CTBS: variants seen among roughly 807,000 people sequenced by gnomAD.
CTBS encodes the protein chitobiase.
In CTBS, 35 loss-of-function variants were observed where a neutral mutation model predicts 44.3. The ratio of observed to expected loss-of-function variants is 0.79; its 90% CI spans 0.60 to 1.05. CTBS has a LOEUF of 1.05. Ranked by LOEUF, CTBS falls within the 50% of genes least tolerant of loss-of-function variation. The probability of loss-of-function intolerance (pLI) is 0.00; values close to 1 mark genes in which losing one functional copy is unlikely to be tolerated. For missense variants in CTBS, 458 were observed against 475.3 expected (o/e 0.96, Z 0.34); for synonymous variants, 143 against 168.0 (o/e 0.85, Z 1.15).
At position 84,550,677 on chromosome 1, in the gene CTBS, G is replaced by GAA; in HGVS notation, c.*4320_*4321dup. ...TACCTTAACAGTAAAGAGCATAGGTGAAAAAAAAAATGCAGGAAGAAAAAC... is the reference window on the plus strand; with the variant it reads ...TACCTTAACAGTAAAGAGCATAGGTGAAAAAAAAAAAATGCAGGAAGAAAAAC... On this transcript the variant is annotated 3_prime_UTR_variant, in exon 7 of 7. Transcript: ENST00000370630. 1 of 1,116,618 alleles carries GAA rather than the reference G, an allele frequency of 9.0e-7. No individual in the cohort carries two copies. Among genetic ancestry groups the GAA allele is most frequent in the Non-Finnish European group, 1.1e-6 (1 of 893,826 alleles). 69.2% of individuals were successfully genotyped at this position (1,116,618 alleles called of 1,614,324 possible). A position where few individuals can be genotyped will look rare whatever the true frequency, so the allele number is the denominator to read the frequency against.
At position 84,574,405 on chromosome 1, in the gene CTBS, G is replaced by T. The variant is rs1001778851; in HGVS notation, c.11C>A (p.Pro4Gln). The T allele has an allele frequency of 1.9e-6, 3 of 1,553,122 alleles. No homozygotes were observed. Among genetic ancestry groups the T allele is most frequent in the Non-Finnish European group, 2.6e-6 (3 of 1,150,790 alleles). The change falls in exon 1 of 7, where the codon CCG (proline) becomes CAG (glutamine). Residue 4 changes from proline (P) to glutamine (Q), a missense_variant. Physicochemically the swap from Pro to Gln is moderately conservative, Grantham distance 76. Coordinates refer to ENST00000370630, the MANE Select transcript of CTBS (RefSeq NM_004388.3). ...GACGAGGCGCCAGCGTCGAAGCTGCGGCCGGGACATAGCAGCAGGTCTAGC... is the reference window on the plus strand; with the variant it reads ...GACGAGGCGCCAGCGTCGAAGCTGCTGCCGGGACATAGCAGCAGGTCTAGC... MSR[P>Q]QLRRWRLVSS...
At chr1:84,574,080 C>G (rs1647394288) in intron 1 of CTBS, 159 bp downstream of exon 1, 2 of 1,451,748 alleles carry the variant, frequency 1.4e-6, no homozygotes, top group Admixed American at 5.6e-5. Context: ...CCCGAGCTTC[C>G]TCATCTATAA....
intron 6 of CTBS, among the ~76,000 whole-genome samples, chr1:84,562,255 T>G (rs981380687): frequency 1.3e-5 from 2 of 152,230 alleles, no homozygotes; most frequent in Non-Finnish European, 2.9e-5. Flanking sequence ...CACATGTGCA[T>G]CTGTGTGTGT....
rs751010857 is a variant in CTBS at position 84,570,587 on chromosome 1, A to C, written c.311T>G (p.Leu104Arg). The change falls in exon 2 of 7, where the codon CTT (leucine) becomes CGT (arginine). Residue 104 changes from leucine (L) to arginine (R), a missense_variant. By Grantham distance (102) the Leu-to-Arg change is moderately radical (BLOSUM62 -2). Coordinates refer to ENST00000370630, the MANE Select transcript of CTBS (RefSeq NM_004388.3). ...YAHSKGARVVLKGDVSLKDII... is the reference protein window; with the variant it reads ...YAHSKGARVVRKGDVSLKDII... ...TAGATCTGGAAACAACATACCTTTA[A>C]GTACTACTCTGGCTCCTTTTGAATG... is the stretch of plus-strand genomic sequence containing the variant. 2 of 1,610,478 alleles carry C rather than the reference A, an allele frequency of 1.2e-6. No individual in the cohort carries two copies. The highest frequency in any genetic ancestry group is 1.7e-6 in the Non-Finnish European group (2 of 1,178,062).
At chr1:84,567,767 C>T (rs575054619) in intron 3 of CTBS, among the ~76,000 whole-genome samples, 2 of 152,282 alleles carry the variant, frequency 1.3e-5, no homozygotes, top group South Asian at 4.1e-4. Flanking sequence ...AAAATCTAAC[C>T]TCACGTCTCC....
Position 84,553,193 on chromosome 1 carries a change from T to A in CTBS, c.*1806A>T. ...GTATTTGAACAGATTTGTTTAACCA[T>A]TATTCTCCTTGGCAATGTTTTATAA... is the stretch of plus-strand genomic sequence containing the variant. On this transcript the variant is annotated 3_prime_UTR_variant, in exon 7 of 7. Coordinates refer to ENST00000370630, the MANE Select transcript of CTBS (RefSeq NM_004388.3). 8.2e-6 allele frequency: 7 copies of A among 857,362 alleles called. No homozygotes were observed. Among genetic ancestry groups the A allele is most frequent in the Non-Finnish European group, 1.2e-5 (7 of 571,078 alleles). 53.1% of individuals were successfully genotyped at this position (857,362 alleles called of 1,614,324 possible).
In CTBS at chr1:84,553,935, T is replaced by A. The variant is rs1447839740; in HGVS notation, c.*1064A>T. ...ATTACATTTAGAAAACTTATTTGTA[T>A]AAAATTGATCTTTTAGAAAGAGAAC... On this transcript the variant is annotated 3_prime_UTR_variant, in exon 7 of 7. Transcript: ENST00000370630. The A allele has an allele frequency of 1.3e-5, 2 of 152,178 alleles. No homozygotes were observed. The highest frequency in any genetic ancestry group is 4.8e-5 in the African/African-American group (2 of 41,446). The allele number at this position is 152,178 out of a possible 1,614,324, so 9.4% of individuals were successfully genotyped here.
intron 3 of CTBS, among the ~76,000 whole-genome samples, chr1:84,567,448 T>C (rs1320495957): frequency 1.3e-5 from 2 of 152,228 alleles, no homozygotes; most frequent in African/African-American, 4.8e-5. Context: ...GAGATGGTAC[T>C]ATTATTATAT....
intron 4 of CTBS, among the ~76,000 whole-genome samples, chr1:84,564,880 CT>C (rs1553224722): frequency 6.6e-6 from 1 of 151,556 alleles, no homozygotes; most frequent in Non-Finnish European, 1.5e-5. Context: ...AAAAAAAAAT[CT>C]TTTTTAAATT....
chr1:84,568,751 T>C (rs1570475135), intron 3 of CTBS, among the ~76,000 whole-genome samples: 1 of 152,282 alleles, frequency 6.6e-6, no homozygotes, highest in Non-Finnish European at 1.5e-5. Flanking sequence ...GTTCTCGTGA[T>C]AGAGTTCTCA....
Position 84,553,135 on chromosome 1 carries a change from T to G in CTBS, c.*1864A>C, listed in dbSNP as rs1264068973. 3.6e-6 allele frequency: 5 copies of G among 1,395,322 alleles called. No individual in the cohort carries two copies. The highest frequency in any genetic ancestry group is 4.8e-6 in the Non-Finnish European group (5 of 1,038,814). 86.4% of individuals were successfully genotyped at this position (1,395,322 alleles called of 1,614,324 possible). A position where few individuals can be genotyped will look rare whatever the true frequency, so the allele number is the denominator to read the frequency against. ...TACAATCTCAATTAGGTATGTTAAT[T>G]TAAAACTTTTATTTGTAAAAAAATT... On this transcript the variant is annotated 3_prime_UTR_variant, in exon 7 of 7. Transcript: ENST00000370630.
chr1:84,564,259 T>C (rs1416632429), intron 4 of CTBS, among the ~76,000 whole-genome samples: 1 of 152,192 alleles, frequency 6.6e-6, no homozygotes, highest in Non-Finnish European at 1.5e-5. Context: ...GTGTTCCATG[T>C]TTTGCAAATA....
At chr1:84,556,644 G>A (rs780253713) in intron 6 of CTBS, among the ~76,000 whole-genome samples, 3 of 149,978 alleles carry the variant, frequency 2.0e-5, no homozygotes, top group Non-Finnish European at 4.4e-5. Context: ...CCCAGGAGAC[G>A]GAGGTTGCAG....
At chr1:84,562,229 G>A (rs185923788) in intron 6 of CTBS, among the ~76,000 whole-genome samples, 58 of 152,286 alleles carry the variant, frequency 3.8e-4, no homozygotes, top group African/African-American at 1.3e-3. Flanking sequence ...CATGGCACAC[G>A]TGTGTATATT....
At chr1:84,573,441 A>G (rs556921437) in intron 1 of CTBS, among the ~76,000 whole-genome samples, 1 of 152,364 alleles carries the variant, frequency 6.6e-6, no homozygotes, top group East Asian at 1.9e-4. Flanking sequence ...CAGGTTCTCC[A>G]TAAACACTTT....
intron 1 of CTBS, among the ~76,000 whole-genome samples, chr1:84,573,150 ACTTAAG>A (rs972652489): frequency 2.6e-5 from 4 of 152,330 alleles, no homozygotes; most frequent in African/African-American, 9.6e-5. Flanking sequence ...GTGAAAGGAA[ACTTAAG>A]CTTAACCTAT....
At position 84,554,896 on chromosome 1, in the gene CTBS, T is replaced by G; in HGVS notation, c.*103A>C. 1.2e-6 allele frequency: 1 copy of G among 835,250 alleles called. No homozygotes were observed. The highest frequency in any genetic ancestry group is 1.9e-6 in the Non-Finnish European group (1 of 534,080). The allele number at this position is 835,250 out of a possible 1,614,324, so 51.7% of individuals were successfully genotyped here. On this transcript the variant is annotated 3_prime_UTR_variant, in exon 7 of 7. Transcript: ENST00000370630. The stretch of plus-strand genomic sequence containing the variant: ...ACATTTATTTATTCTTTTTTTTTAG[T>G]ATACGGATAACAAAAGTATATAGCA...
intron 3 of CTBS, 97 bp from the exon 4 acceptor site, chr1:84,566,109 C>T (rs1321593502): frequency 4.7e-6 from 3 of 636,474 alleles, no homozygotes; most frequent in African/African-American, 3.8e-5. Context: ...TTATACTACA[C>T]AAGGAAAAGG....
At chr1:84,563,518 A>G (rs1256584301) in intron 5 of CTBS, 100 bp from the exon 6 acceptor site, 34 of 875,322 alleles carry the variant, frequency 3.9e-5, no homozygotes, top group Non-Finnish European at 4.9e-5. Flanking sequence ...AACATATACC[A>G]TAGAAAACCT....
Sources: allele counts gnomAD v4.1 joint callset (sites outside exome capture counted in the v4.1 genomes callset), GRCh38; gene constraint gnomAD v4.1.1; transcripts MANE v1.5; gene names NCBI Gene and HGNC (gene_info 2026-07-23, HGNC 2026-07-21).